The following AOAH variants were observed in gnomAD, a reference collection of about 807,000 sequenced individuals.
AOAH encodes the protein acyloxyacyl hydrolase (neutrophil).
In AOAH, 64 loss-of-function variants were observed where a neutral mutation model predicts 92.2. The ratio of observed to expected loss-of-function variants is 0.69; its 90% confidence interval spans 0.57 to 0.86. AOAH has a LOEUF of 0.86. Ranked by LOEUF, AOAH falls within the 40% of genes least tolerant of loss-of-function variation. AOAH has a pLI of 0.00. For missense variants in AOAH, 656 were observed against 694.6 expected (o/e 0.94, Z 0.62); for synonymous variants, 263 against 254.5 (o/e 1.03, Z -0.32).
intron 4 of AOAH, among the ~76,000 whole-genome samples, chr7:36,655,423 G>T: frequency 6.6e-6 from 1 of 151,914 alleles, no homozygotes; most frequent in Non-Finnish European, 1.5e-5. Flanking sequence ...AAGGTGATCT[G>T]GGTAGAGGGA....
intron 16 of AOAH, among the ~76,000 whole-genome samples, chr7:36,534,757 A>G (rs1281621839): frequency 6.6e-6 from 1 of 152,214 alleles, no homozygotes; most frequent in Non-Finnish European, 1.5e-5. Flanking sequence ...TCTGGATAGG[A>G]AAGCTGATCA....
At chr7:36,585,249 C>A (rs571241228) in intron 12 of AOAH, among the ~76,000 whole-genome samples, 2 of 151,956 alleles carry the variant, frequency 1.3e-5, no homozygotes, top group African/African-American at 4.8e-5. Context: ...ACAAAGACAA[C>A]GGGCGATGCC....
intron 13 of AOAH, among the ~76,000 whole-genome samples, chr7:36,568,436 G>A (rs1393618287): frequency 1.3e-5 from 2 of 152,164 alleles, no homozygotes; most frequent in African/African-American, 4.8e-5. Flanking sequence ...AACAGCCAGG[G>A]CCTGGTCAAC....
At chr7:36,619,273 G>C (rs1210530315) in intron 9 of AOAH, among the ~76,000 whole-genome samples, 1 of 152,200 alleles carries the variant, frequency 6.6e-6, no homozygotes, top group East Asian at 1.9e-4. Context: ...TTGTGGTTCT[G>C]TGAGTGGTGT....
At chr7:36,592,166 A>G (rs929302197) in intron 12 of AOAH, among the ~76,000 whole-genome samples, 2 of 152,174 alleles carry the variant, frequency 1.3e-5, no homozygotes, top group African/African-American at 4.8e-5. Flanking sequence ...AAAATTCCAG[A>G]TACTTTTATT....
At chr7:36,658,643 TG>T (rs1320051705) in intron 4 of AOAH, among the ~76,000 whole-genome samples, 1 of 152,240 alleles carries the variant, frequency 6.6e-6, no homozygotes, top group African/African-American at 2.4e-5. Context: ...TATCAGTTAT[TG>T]TGCTAAGCAT....
chr7:36,552,027 C>A, intron 13 of AOAH, among the ~76,000 whole-genome samples: 1 of 152,126 alleles, frequency 6.6e-6, no homozygotes, highest in East Asian at 1.9e-4. Context: ...CTGAGCATAG[C>A]AGACCCAATA....
At chr7:36,711,894 C>T (rs890512332) in intron 1 of AOAH, among the ~76,000 whole-genome samples, 1 of 152,116 alleles carries the variant, frequency 6.6e-6, no homozygotes, top group African/African-American at 2.4e-5. Context: ...AGGCTGAGAA[C>T]CATGAACATC....
At chr7:36,528,170 A>G (rs1456695067) in intron 19 of AOAH, among the ~76,000 whole-genome samples, 1 of 152,144 alleles carries the variant, frequency 6.6e-6, no homozygotes, top group Non-Finnish European at 1.5e-5. Context: ...GCCCTGCACC[A>G]AAACTAGATC....
chr7:36,619,681 A>G (rs1792145662), intron 9 of AOAH, among the ~76,000 whole-genome samples: 1 of 152,118 alleles, frequency 6.6e-6, no homozygotes. Context: ...TCCATATCCT[A>G]GAGGCCATGG....
intron 6 of AOAH, among the ~76,000 whole-genome samples, chr7:36,631,083 C>CG (rs1793045164): frequency 6.6e-6 from 1 of 152,140 alleles, no homozygotes; most frequent in Non-Finnish European, 1.5e-5. Context: ...TGGTGGCTCA[C>CG]GCCTGTAATC....
At chr7:36,619,884 A>T (rs6973142) in intron 9 of AOAH, among the ~76,000 whole-genome samples, 61,899 of 152,054 alleles carry the variant, frequency 0.41, 12,903 homozygotes, top group Non-Finnish European at 0.46. Context: ...AATTACAAAA[A>T]CTGCAATTAC....
intron 9 of AOAH, 43 bp downstream of exon 9, chr7:36,620,738 G>A (rs1429287040): frequency 6.3e-7 from 1 of 1,594,896 alleles, no homozygotes; most frequent in African/African-American, 1.3e-5. Flanking sequence ...AGGGGAGGGA[G>A]GAACAAAGGA....
intron 1 of AOAH, among the ~76,000 whole-genome samples, chr7:36,723,066 AAC>A (rs1799748054): frequency 6.6e-6 from 1 of 152,128 alleles, no homozygotes; most frequent in Non-Finnish European, 1.5e-5. Context: ...TGTCTCCAGA[AAC>A]AATTCCTAAG....
intron 13 of AOAH, among the ~76,000 whole-genome samples, chr7:36,567,473 G>A (rs1383269406): frequency 6.6e-6 from 1 of 152,152 alleles, no homozygotes; most frequent in East Asian, 1.9e-4. Flanking sequence ...TGAAGATGGA[G>A]TATATAAAGT....
chr7:36,521,574 T>C (rs930738687), intron 20 of AOAH, among the ~76,000 whole-genome samples: 5 of 152,182 alleles, frequency 3.3e-5, no homozygotes, highest in African/African-American at 1.2e-4. Flanking sequence ...GCTAAGGACA[T>C]TGTTCTCCTC....
chr7:36,714,492 C>T (rs955821552), intron 1 of AOAH, among the ~76,000 whole-genome samples: 2 of 152,176 alleles, frequency 1.3e-5, no homozygotes, highest in African/African-American at 2.4e-5. Flanking sequence ...CCAGCATCAT[C>T]CTGATACCAA....
At chr7:36,701,998 A>G (rs1215831383) in intron 1 of AOAH, among the ~76,000 whole-genome samples, 1 of 152,082 alleles carries the variant, frequency 6.6e-6, no homozygotes, top group East Asian at 1.9e-4. Flanking sequence ...ATCATAATGT[A>G]TTTTAAGTTA....
chr7:36,601,253 G>A (rs1024576286), intron 11 of AOAH, among the ~76,000 whole-genome samples: 1 of 152,206 alleles, frequency 6.6e-6, no homozygotes, highest in Non-Finnish European at 1.5e-5. Context: ...CTGTGCATTT[G>A]ATTTGTAAAC....
Sources: gnomAD v4.1 joint callset for allele counts (sites outside exome capture counted in the v4.1 genomes callset) on GRCh38, gnomAD v4.1.1 for gene constraint, MANE v1.5 for transcripts, NCBI Gene and HGNC (gene_info 2026-07-23, HGNC 2026-07-21) for gene names.